Variants in HLTF observed in about 807,000 individuals in gnomAD.
HLTF encodes the protein DNA-dependent ATPase/E3 ubiquitin-protein ligase HLTF.
Under a neutral mutation model 129.4 loss-of-function variants are expected in HLTF, and 127 were observed. That is an observed-to-expected ratio of 0.98 (90% CI 0.85 to 1.14). The LOEUF (loss-of-function observed/expected upper bound fraction) is 1.14, where lower values mean the gene tolerates loss of function less well. Ranked by LOEUF, HLTF falls within the 50% of genes most tolerant of loss-of-function variation. The probability of loss-of-function intolerance (pLI) is 0.00; values close to 1 mark genes in which losing one functional copy is unlikely to be tolerated. For missense variants in HLTF, 1,139 were observed against 1,187.1 expected (o/e 0.96, Z 0.60); for synonymous variants, 332 against 388.8 (o/e 0.85, Z 1.72).
At position 149,048,142 on chromosome 3, in the gene HLTF, AAAG is replaced by A; in HGVS notation, c.1775_1777del (p.Ser592del). On this transcript the variant is annotated inframe_deletion, in exon 17 of 25. Transcript: ENST00000310053. ...GGAAAGAAGAGACCACAAGTCCTTTAAAGAATTCTGGATTGGAGTACCTAGAAA... is the reference window on the plus strand; with the variant it reads ...GGAAAGAAGAGACCACAAGTCCTTTAAATTCTGGATTGGAGTACCTAGAAA... 1.2e-6 allele frequency: 2 copies of A among 1,609,610 alleles called. No individual in the cohort carries two copies. Among genetic ancestry groups the A allele is most frequent in the Non-Finnish European group, 1.7e-6 (2 of 1,178,338 alleles).
chr3:149,054,877 A>G (rs1717292645), intron 14 of HLTF, among the ~76,000 whole-genome samples: 1 of 152,220 alleles, frequency 6.6e-6, no homozygotes, highest in South Asian at 2.1e-4. Context: ...AAAAATCCTT[A>G]AAAGAGGTTA....
At chr3:149,065,097 C>A (rs1320506495) in intron 8 of HLTF, among the ~76,000 whole-genome samples, 1 of 151,856 alleles carries the variant, frequency 6.6e-6, no homozygotes, top group Non-Finnish European at 1.5e-5. Context: ...AACTACTTGG[C>A]CTTCACCTTT....
chr3:149,071,017 C>T (rs554263088), intron 7 of HLTF, among the ~76,000 whole-genome samples: 170 of 151,616 alleles, frequency 1.1e-3, no homozygotes, highest in African/African-American at 3.9e-3. Context: ...TGCACTCCAG[C>T]CTGGGTGACA....
At chr3:149,064,743 T>G (rs768447234) in intron 9 of HLTF, 48 bp downstream of exon 9, 1 of 1,133,402 alleles carries the variant, frequency 8.8e-7, no homozygotes, top group African/African-American at 1.5e-5. Context: ...ATATTCAAAT[T>G]AAAGTTTACC....
chr3:149,032,664 A>ATT (rs1415195356), intron 24 of HLTF, among the ~76,000 whole-genome samples: 2 of 152,198 alleles, frequency 1.3e-5, no homozygotes, highest in Non-Finnish European at 2.9e-5. Context: ...TCAGCATTGT[A>ATT]TTAAAAAGGC....
chr3:149,061,316 CAGG>C (rs1270620956), intron 10 of HLTF, among the ~76,000 whole-genome samples: 1 of 151,860 alleles, frequency 6.6e-6, no homozygotes, highest in Non-Finnish European at 1.5e-5. Context: ...GAGGCTGAGG[CAGG>C]AGAATGACGT....
chr3:149,041,655 A>C lies in HLTF; in HGVS notation c.2211T>G (p.Pro737=). The C allele has an allele frequency of 6.2e-7, 1 of 1,609,306 alleles. No homozygotes were observed. Among genetic ancestry groups the C allele is most frequent in the Non-Finnish European group, 8.5e-7 (1 of 1,176,502 alleles). The change falls in exon 20 of 25, where the codon CCT becomes CCG. Residue 737 remains proline, a synonymous_variant. Transcript: ENST00000310053. ...SSNGPSGNDT[P]EELRKKLIRK... is the part of the protein sequence containing the mutation. ...TTATTAACTTCTTTCTCAGTTCTTC[A>C]GGTGTATCATTTCCTAGAGAAAAGG...
Position 149,046,075 on chromosome 3 carries a change from C to A in HLTF, c.2072+5G>T. ...AATTTTTAACATGGTTTTCTTTCTC[C>A]ATACCTTCCAATAGTGGCTCTGCCT... On this transcript the variant is annotated splice_donor_5th_base_variant and intron_variant, in intron 18 of 24. Coordinates refer to ENST00000310053, the MANE Select transcript of HLTF (RefSeq NM_003071.4). 1 of 1,594,312 alleles carries A rather than the reference C, an allele frequency of 6.3e-7. No homozygotes were observed. Among genetic ancestry groups the A allele is most frequent in the South Asian group, 1.2e-5 (1 of 86,784 alleles).
intron 13 of HLTF, among the ~76,000 whole-genome samples, chr3:149,057,313 C>T (rs1406758173): frequency 6.6e-5 from 10 of 151,924 alleles, no homozygotes; most frequent in Non-Finnish European, 1.3e-4. Context: ...GTAGTCTCAG[C>T]TACTTGGGAG....
intron 19 of HLTF, 82 bp downstream of exon 19, chr3:149,042,084 T>C (rs1221896184): frequency 2.5e-6 from 3 of 1,217,070 alleles, no homozygotes; most frequent in Non-Finnish European, 3.6e-6. Flanking sequence ...AAACTAAATG[T>C]ATGCCACATA....
chr3:149,083,959 A>G (rs1355032904), intron 2 of HLTF, among the ~76,000 whole-genome samples: 1 of 151,956 alleles, frequency 6.6e-6, no homozygotes, highest in East Asian at 1.9e-4. Flanking sequence ...CACTTAAGTG[A>G]AAGAAAATCA....
chr3:149,032,598 G>A (rs1715193187), intron 24 of HLTF, among the ~76,000 whole-genome samples: 1 of 151,934 alleles, frequency 6.6e-6, no homozygotes, highest in Non-Finnish European at 1.5e-5. Flanking sequence ...CACAAGATAA[G>A]CAAAGCAATA....
In HLTF at chr3:149,042,282, T is replaced by G. The variant is rs1366995249; in HGVS notation, c.2081A>C (p.Asn694Thr). The change falls in exon 19 of 25, where the codon AAT (asparagine) becomes ACT (threonine). Residue 694 changes from asparagine (N) to threonine (T), a missense_variant. Coordinates refer to ENST00000310053, the MANE Select transcript of HLTF (RefSeq NM_003071.4). ...EGRATIGRYF[N>T]EGTVLAHYAD... is the part of the protein sequence containing the mutation. ...ATAATGTGCCAGGACAGTCCCTTCA[T>G]TAAAATACCTAGAGATTAAAATGTC... 7.5e-6 allele frequency: 12 copies of G among 1,608,234 alleles called. No individual in the cohort carries two copies. In the South Asian group the frequency reaches 1.0e-4, roughly 13 times the overall value.
At chr3:149,036,886 C>A (rs541281389) in intron 23 of HLTF, among the ~76,000 whole-genome samples, 1 of 152,174 alleles carries the variant, frequency 6.6e-6, no homozygotes, top group South Asian at 2.1e-4. Context: ...CAATGAAGAA[C>A]ACTCAACTTA....
intron 12 of HLTF, among the ~76,000 whole-genome samples, chr3:149,060,234 A>G (rs557550409): frequency 4.6e-5 from 7 of 152,316 alleles, no homozygotes; most frequent in African/African-American, 1.7e-4. Context: ...ACAGGAAAAT[A>G]AAACATATTT....
chr3:149,056,108 C>T (rs1333448850), intron 13 of HLTF, among the ~76,000 whole-genome samples: 2 of 152,128 alleles, frequency 1.3e-5, no homozygotes, highest in African/African-American at 4.8e-5. Context: ...CAGATGACGG[C>T]GGCCCCTGAA....
rs56809507 is a variant in HLTF, at chr3:149,057,107, C to CAA, written c.1376-1709_1376-1708dup. 3.9e-3 allele frequency among the ~76,000 whole-genome samples: 109 copies of CAA among 27,746 alleles called. 7 individuals are homozygous for CAA. The highest frequency in any genetic ancestry group is 7.7e-3 in the South Asian group (3 of 388). 18.2% of individuals were successfully genotyped at this position (27,746 alleles called of 152,430 possible). ...CCTGGGCGACAGCGAGACTCCGTCTCAAAAAAAAAAAAAAAAAAAAAAAAA... is the reference window on the plus strand; with the variant it reads ...CCTGGGCGACAGCGAGACTCCGTCTCAAAAAAAAAAAAAAAAAAAAAAAAAAA... On this transcript the variant is annotated intron_variant, in intron 13 of 24. Transcript: ENST00000310053.
chr3:149,060,642 C>T lies in HLTF; in HGVS notation c.1285+1G>A. 1 of 1,608,176 alleles carries T rather than the reference C, an allele frequency of 6.2e-7. No homozygotes were observed. Among genetic ancestry groups the T allele is most frequent in the Non-Finnish European group, 8.5e-7 (1 of 1,175,184 alleles). ...ATTATGGGTATATAGTATACACATA[C>T]CTTTCGCCCTGCCTTTAGTTTCAGA... is the stretch of plus-strand genomic sequence containing the variant. On this transcript the variant is annotated splice_donor_variant, in intron 12 of 24. Transcript: ENST00000310053. LOFTEE classifies it high-confidence loss of function.
chr3:149,047,262 T>C (rs915497437), intron 17 of HLTF, among the ~76,000 whole-genome samples: 10 of 152,200 alleles, frequency 6.6e-5, no homozygotes, highest in Admixed American at 6.5e-4. Flanking sequence ...TTCTCAACTT[T>C]TATCTATCTC....
Sources: allele counts gnomAD v4.1 joint callset (sites outside exome capture counted in the v4.1 genomes callset), GRCh38; gene constraint gnomAD v4.1.1; transcripts MANE v1.5; gene names NCBI Gene and HGNC (gene_info 2026-07-23, HGNC 2026-07-21).